Variants in KLHL22 observed in about 807,000 individuals in gnomAD.
KLHL22 encodes the protein kelch-like protein 22.
Under a neutral mutation model 60.7 loss-of-function variants are expected in KLHL22, and 18 were observed. The observed-to-expected ratio is 0.30, with a 90% CI of 0.20 to 0.44. The LOEUF (loss-of-function observed/expected upper bound fraction) is 0.44, where lower values mean the gene tolerates loss of function less well. Among genes scored for constraint, KLHL22 ranks in the 20% least tolerant of loss-of-function variants. The probability of loss-of-function intolerance (pLI) is 1.00; values close to 1 mark genes in which losing one functional copy is unlikely to be tolerated. For synonymous variants in KLHL22, 355 were observed against 354.5 expected (o/e 1.00, Z -0.01); for missense variants, 596 against 852.3 (o/e 0.70, Z 3.74).
chr22:20,485,804 G>T (rs1259870655), intron 2 of KLHL22, among the ~76,000 whole-genome samples: 1 of 151,954 alleles, frequency 6.6e-6, no homozygotes, highest in Admixed American at 6.6e-5. Context: ...GGAGGCAGAG[G>T]TTGCAGTGAG....
chr22:20,470,349 T>TAA (rs58617703), intron 3 of KLHL22, among the ~76,000 whole-genome samples: 30 of 138,996 alleles, frequency 2.2e-4, no homozygotes, highest in East Asian at 1.0e-3. Context: ...ACCCTGTCTT[T>TAA]AAAAAAAAAA....
chr22:20,451,421 A>G (rs1220528839), intron 5 of KLHL22: 8 of 1,608,160 alleles, frequency 5.0e-6, no homozygotes, highest in African/African-American at 2.7e-5. Flanking sequence ...GGAGGATATG[A>G]CGGCTTGAAT....
At chr22:20,482,851 C>T (rs777666164) in intron 2 of KLHL22, 4 of 1,271,334 alleles carry the variant, frequency 3.1e-6, no homozygotes, top group Admixed American at 1.7e-5. Flanking sequence ...TGGTCTCAGA[C>T]ACCACTTTGC....
intron 2 of KLHL22, among the ~76,000 whole-genome samples, chr22:20,477,745 ATTTC>A (rs1283840265): frequency 1.3e-5 from 2 of 152,174 alleles, no homozygotes; most frequent in African/African-American, 4.8e-5. Context: ...ATGATTACAC[ATTTC>A]TTTTTCATTT....
In KLHL22 at chr22:20,446,621, C is replaced by T. The variant is rs1312402474; in HGVS notation, c.1361G>A (p.Arg454His). ...LEGKMYITCG[R>H]RGEDYLKETH... ...CTCTTTCAGGTAATCCTCCCCTCTG[C>T]GGCCGCAGGTGATATACATCTTCCC... The change falls in exon 6 of 7, where the codon CGC (arginine) becomes CAC (histidine). Residue 454 changes from arginine to histidine, a missense_variant. Transcript: ENST00000328879. 3.7e-6 allele frequency: 6 copies of T among 1,613,436 alleles called. No homozygotes were observed. Among genetic ancestry groups the T allele is most frequent in the African/African-American group, 1.3e-5 (1 of 75,062 alleles).
intron 4 of KLHL22, among the ~76,000 whole-genome samples, chr22:20,464,583 T>A (rs893598791): frequency 2.3e-4 from 35 of 152,088 alleles, no homozygotes; most frequent in African/African-American, 8.2e-4. Context: ...CACAATGCAC[T>A]CGCAACCTAG....
intron 2 of KLHL22, chr22:20,482,840 T>C (rs1045217267): frequency 9.9e-5 from 127 of 1,279,562 alleles, no homozygotes; most frequent in Middle Eastern, 2.6e-4. Context: ...TTTGGTGTCA[T>C]TGGTCTCAGA....
intron 5 of KLHL22, among the ~76,000 whole-genome samples, chr22:20,452,655 A>AAGTACCTGTGATTTT (rs2052998165): frequency 6.6e-6 from 1 of 152,230 alleles, no homozygotes; most frequent in African/African-American, 2.4e-5. Flanking sequence ...GATAAACTAG[A>AAGTACCTGTGATTTT]AGTACCTGTG....
chr22:20,449,137 T>G (rs929690477), intron 5 of KLHL22, among the ~76,000 whole-genome samples: 10 of 152,102 alleles, frequency 6.6e-5, no homozygotes, highest in African/African-American at 1.9e-4. Flanking sequence ...CTCAGCTCAC[T>G]GCACCCTCTG....
chr22:20,471,304 C>A, intron 3 of KLHL22, 46 bp downstream of exon 3: 2 of 1,581,730 alleles, frequency 1.3e-6, no homozygotes, highest in South Asian at 1.1e-5. Flanking sequence ...TCTCAGGGAA[C>A]CCCACCTGGG....
At chr22:20,477,973 G>C (rs1441942122) in intron 2 of KLHL22, among the ~76,000 whole-genome samples, 1 of 152,086 alleles carries the variant, frequency 6.6e-6, no homozygotes, top group Non-Finnish European at 1.5e-5. Flanking sequence ...AGTTGTTAGA[G>C]ATAAATTGTC....
rs893790266 is a variant in KLHL22, at chr22:20,484,070, G to A, written c.227+4915C>T. 3 of 984,114 alleles carry A rather than the reference G, an allele frequency of 3.0e-6. No homozygotes were observed. In the African/African-American group the frequency reaches 4.8e-5, roughly 16 times the overall value. The allele number at this position is 984,114 out of a possible 1,614,324, so 61.0% of individuals were successfully genotyped here. A position where few individuals can be genotyped will look rare whatever the true frequency, so the allele number is the denominator to read the frequency against. ...CCTGGACAGAGCCCAGGGACCAGTA[G>A]TTGGTGGAGAAGGTAGAGCGAGTGG... is the stretch of plus-strand genomic sequence containing the variant. On this transcript the variant is annotated intron_variant, in intron 2 of 6. Coordinates refer to ENST00000328879, the MANE Select transcript of KLHL22 (RefSeq NM_032775.4).
At chr22:20,476,052 G>A (rs970970546) in intron 2 of KLHL22, among the ~76,000 whole-genome samples, 70 of 152,356 alleles carry the variant, frequency 4.6e-4, no homozygotes, top group African/African-American at 1.6e-3. Flanking sequence ...CTAGGTTAAT[G>A]TAGAGATAAA....
At chr22:20,494,073 T>TCCCCC (rs2053730571) in intron 1 of KLHL22, among the ~76,000 whole-genome samples, 1 of 55,448 alleles carries the variant, frequency 1.8e-5, no homozygotes, top group Non-Finnish European at 3.8e-5. Context: ...AGCCAGACTT[T>TCCCCC]GCCCCCCCCC....
At chr22:20,457,020 T>C (rs1354616232) in intron 5 of KLHL22, among the ~76,000 whole-genome samples, 1 of 141,108 alleles carries the variant, frequency 7.1e-6, no homozygotes, top group Non-Finnish European at 1.6e-5. Context: ...ACTAGCGGGG[T>C]GCCCTGCTAG....
At position 20,477,381 on chromosome 22, in the gene KLHL22, C is replaced by CAAAAGA. The variant is rs531067334; in HGVS notation, c.228-5872_228-5867dup. ...TCTGTGACAGAGCAACACTGTGCCT[C>CAAAAGA]AAAAGAAAAAGAAAAAGAAGGGAAA... is the stretch of plus-strand genomic sequence containing the variant. On this transcript the variant is annotated intron_variant, in intron 2 of 6. Transcript: ENST00000328879. Among the ~76,000 whole-genome samples the CAAAAGA allele has an allele frequency of 2.7e-5, 4 of 148,956 alleles. No individual in the cohort carries two copies. The South Asian group carries it at 8.5e-4, about 32-fold the overall frequency.
chr22:20,465,613 G>A lies in KLHL22; in HGVS notation c.394-37C>T. 9.8e-7 allele frequency: 1 copy of A among 1,017,492 alleles called. No individual in the cohort carries two copies. Among genetic ancestry groups the A allele is most frequent in the Admixed American group, 1.7e-5 (1 of 59,266 alleles). The allele number at this position is 1,017,492 out of a possible 1,614,324, so 63.0% of individuals were successfully genotyped here. A position where few individuals can be genotyped will look rare whatever the true frequency, so the allele number is the denominator to read the frequency against. ...ATGACACCCATTCAAGCCTGGGCTG[G>A]TGAACAGCATCTGGGGGTGGGAGAG... On this transcript the variant is annotated intron_variant, in intron 3 of 6. Transcript: ENST00000328879. This position sits in a 1 kb window ranked among gnomAD's most constrained non-coding sequence, Gnocchi z 4.9.
chr22:20,451,492 A>G (rs2052978438), intron 5 of KLHL22: 2 of 1,598,354 alleles, frequency 1.3e-6, no homozygotes, highest in Non-Finnish European at 1.7e-6. Context: ...TGTTACACCA[A>G]TGGCCACCAA....
chr22:20,442,081 C>A lies in KLHL22; in HGVS notation c.1897G>T (p.Glu633Ter). The A allele has an allele frequency of 6.6e-7, 1 of 1,508,078 alleles. No individual in the cohort carries two copies. Among genetic ancestry groups the A allele is most frequent in the South Asian group, 1.3e-5 (1 of 74,118 alleles). 93.4% of individuals were successfully genotyped at this position (1,508,078 alleles called of 1,614,324 possible). Residue 633 changes from glutamate (E) to a stop codon, truncating the protein, a stop_gained, in exon 7 of 7, where the codon GAG becomes TAG. Transcript: ENST00000328879. LOFTEE classifies it high-confidence loss of function. ...TGCCAGGCACAGGGAGCCTAGTCCT[C>A]ACTGGAGTTGTCAAACTCCTCCCAG... The part of the protein sequence containing the change: ...SDWEEFDNSS[E>*]D
Sources: gnomAD v4.1 joint callset for allele counts (sites outside exome capture counted in the v4.1 genomes callset) on GRCh38, gnomAD v4.1.1 for gene constraint, Gnocchi (gnomAD v3.1) non-coding constraint, MANE v1.5 for transcripts, NCBI Gene and HGNC (gene_info 2026-07-23, HGNC 2026-07-21) for gene names.